GNG4: variants seen among roughly 807,000 people sequenced by gnomAD.
The protein encoded by GNG4 is guanine nucleotide-binding protein G(I)/G(S)/G(O) subunit gamma-4.
Under a neutral mutation model 5.8 loss-of-function variants are expected in GNG4, and 4 were observed. That is an observed-to-expected ratio of 0.69 (90% CI 0.34 to 1.57). The LOEUF (loss-of-function observed/expected upper bound fraction) is 1.57, where lower values mean the gene tolerates loss of function less well. Among genes scored for constraint, GNG4 ranks in the 40% most tolerant of loss-of-function variants. The probability of loss-of-function intolerance (pLI) is 0.06; values close to 1 mark genes in which losing one functional copy is unlikely to be tolerated. For synonymous variants in GNG4, 29 were observed against 32.9 expected, an observed-to-expected ratio of 0.88 and a Z score of 0.41; for missense variants, 96 against 95.1, an observed-to-expected ratio of 1.01 and a Z score of -0.04.
chr1:235,591,036 G>A (rs990747687), intron 2 of GNG4, among the ~76,000 whole-genome samples: 1 of 152,144 alleles, frequency 6.6e-6, no homozygotes, highest in Non-Finnish European at 1.5e-5. Context: ...GCTGGTCCAC[G>A]GACCACACTT....
intron 1 of GNG4, among the ~76,000 whole-genome samples, chr1:235,640,293 G>A (rs1011967818): frequency 1.3e-5 from 2 of 152,158 alleles, no homozygotes; most frequent in South Asian, 4.1e-4. Context: ...TCAGGAATAA[G>A]GACCCACAGA....
chr1:235,552,298 A>C, intron 3 of GNG4, 61 bp from the exon 4 acceptor site: 2 of 1,538,130 alleles, frequency 1.3e-6, no homozygotes, highest in Non-Finnish European at 1.8e-6. Context: ...GAGTCCAGGG[A>C]AGAGGTGTCC....
In GNG4 at chr1:235,552,093, T is replaced by C; in HGVS notation, c.*16A>G. ...TTTGAAGGTCAGAAAAGGAGGCGTT[T>C]TCATCACACACGGAGTTAGAGAATG... On this transcript the variant is annotated 3_prime_UTR_variant, in exon 4 of 4. Transcript: ENST00000391854. 1 of 1,613,126 alleles carries C rather than the reference T, an allele frequency of 6.2e-7. No individual in the cohort carries two copies. The highest frequency in any genetic ancestry group is 8.5e-7 in the Non-Finnish European group (1 of 1,179,312).
At chr1:235,609,876 A>C (rs1252634271) in intron 1 of GNG4, among the ~76,000 whole-genome samples, 144 of 152,276 alleles carry the variant, frequency 9.5e-4, no homozygotes, top group African/African-American at 3.5e-3. Flanking sequence ...CCCTGTCTCA[A>C]AAAAAGAAAA....
rs568645447 is a variant in GNG4, at chr1:235,634,412, G to A, written c.-123+15250C>T. 1.3e-4 allele frequency among the ~76,000 whole-genome samples: 20 copies of A among 152,286 alleles called. No homozygotes were observed. The South Asian group carries it at 3.7e-3, about 28-fold the overall frequency. On this transcript the variant is annotated intron_variant, in intron 1 of 3. Coordinates refer to ENST00000391854, the MANE Select transcript of GNG4 (RefSeq NM_001098722.2). Reference sequence around the variant, plus strand: ...GAGCTTGTTCTGTGTGCTGGAGAGGGCTAAGTGCAGTATTGATAATGTCAA... The same window carrying A: ...GAGCTTGTTCTGTGTGCTGGAGAGGACTAAGTGCAGTATTGATAATGTCAA...
At chr1:235,639,399 G>A (rs1657246662) in intron 1 of GNG4, among the ~76,000 whole-genome samples, 1 of 152,256 alleles carries the variant, frequency 6.6e-6, no homozygotes, top group Admixed American at 6.5e-5. Flanking sequence ...CCCCCAGCCT[G>A]GAAGGCTTTC....
chr1:235,647,828 G>C (rs758056134), intron 1 of GNG4, among the ~76,000 whole-genome samples: 1 of 152,134 alleles, frequency 6.6e-6, no homozygotes, highest in Non-Finnish European at 1.5e-5. Flanking sequence ...TAGATACGGG[G>C]TTTCACCACG....
At chr1:235,634,275 T>C (rs1688986829) in intron 1 of GNG4, among the ~76,000 whole-genome samples, 1 of 152,164 alleles carries the variant, frequency 6.6e-6, no homozygotes, top group African/African-American at 2.4e-5. Flanking sequence ...GGTACAGAAA[T>C]GCAGATTTAT....
chr1:235,587,326 A>AGTGT lies in GNG4; in HGVS notation c.-10-3479_-10-3478insACAC, dbSNP rs1203153927. 1.2e-3 allele frequency among the ~76,000 whole-genome samples: 25 copies of AGTGT among 20,542 alleles called. No homozygotes were observed. In the African/African-American group the frequency reaches 0.017, roughly 14 times the overall value. The allele number at this position is 20,542 out of a possible 152,430, so 13.5% of individuals were successfully genotyped here. On this transcript the variant is annotated intron_variant, in intron 2 of 3. Transcript: ENST00000391854. ...TGAGGGTGAGGGGTGTGTGTGTGTG[A>AGTGT]GAGTGTGAGAGCATGTATGAGGGTC...
At chr1:235,580,746 G>GTTT (rs56370700) in intron 3 of GNG4, among the ~76,000 whole-genome samples, 1 of 125,762 alleles carries the variant, frequency 8.0e-6, no homozygotes, top group East Asian at 2.4e-4. Context: ...CCCGTTTTTT[G>GTTT]TTTTTTTTTT....
At chr1:235,607,460 G>A (rs906121475) in intron 1 of GNG4, among the ~76,000 whole-genome samples, 2 of 152,160 alleles carry the variant, frequency 1.3e-5, no homozygotes, top group East Asian at 1.9e-4. Flanking sequence ...GCTGGCCATC[G>A]CCACTGGGTG....
chr1:235,599,316 G>T (rs1177184403), intron 1 of GNG4, among the ~76,000 whole-genome samples: 4 of 117,474 alleles, frequency 3.4e-5, no homozygotes, highest in African/African-American at 1.1e-4. Flanking sequence ...TTGTTTTTTG[G>T]TTTGTTTTTT....
chr1:235,622,802 G>C (rs1180062965), intron 1 of GNG4, among the ~76,000 whole-genome samples: 2 of 149,660 alleles, frequency 1.3e-5, no homozygotes, highest in Admixed American at 1.3e-4. Context: ...AACCTGCTGG[G>C]AGGTGGAGGT....
At chr1:235,646,522 C>T (rs774629780) in intron 1 of GNG4, among the ~76,000 whole-genome samples, 6 of 152,166 alleles carry the variant, frequency 3.9e-5, no homozygotes, top group Non-Finnish European at 5.9e-5. Flanking sequence ...CCCTTGTTGC[C>T]CACTAACCTG....
At position 235,568,137 on chromosome 1, in the gene GNG4, T is replaced by C. The variant is rs75108922; in HGVS notation, c.99+15603A>G. On this transcript the variant is annotated intron_variant, in intron 3 of 3. Coordinates refer to ENST00000391854, the MANE Select transcript of GNG4 (RefSeq NM_001098722.2). ...TGCCCGTTGCTTCCTTGCAACATAC[T>C]TTCCTTCTAATAAATCTGCTTTTTT... Among the ~76,000 whole-genome samples the C allele has an allele frequency of 4.9e-3, 706 of 145,190 alleles. 9 individuals are homozygous for C. The highest frequency in any genetic ancestry group is 0.017 in the African/African-American group (661 of 38,006).
chr1:235,612,428 G>A (rs960382544), intron 1 of GNG4, among the ~76,000 whole-genome samples: 2 of 152,168 alleles, frequency 1.3e-5, no homozygotes, highest in Non-Finnish European at 2.9e-5. Flanking sequence ...CAGGGTCTGC[G>A]TGGGAAGATG....
At chr1:235,601,428 T>C (rs937743524) in intron 1 of GNG4, among the ~76,000 whole-genome samples, 1 of 152,146 alleles carries the variant, frequency 6.6e-6, no homozygotes, top group Admixed American at 6.5e-5. Flanking sequence ...CGGCTCTCAG[T>C]GTATAACCAA....
At chr1:235,619,868 A>G (rs1419375611) in intron 1 of GNG4, among the ~76,000 whole-genome samples, 1 of 152,252 alleles carries the variant, frequency 6.6e-6, no homozygotes, top group Non-Finnish European at 1.5e-5. Flanking sequence ...CTTATACCTT[A>G]AAAATAATAG....
At chr1:235,554,566 G>A (rs1475532962) in intron 3 of GNG4, among the ~76,000 whole-genome samples, 3 of 152,160 alleles carry the variant, frequency 2.0e-5, no homozygotes, top group Admixed American at 2.0e-4. Context: ...TGGCTCGGCT[G>A]GACGCAGTGG....
Sources: gnomAD v4.1 joint callset for allele counts (sites outside exome capture counted in the v4.1 genomes callset) on GRCh38, gnomAD v4.1.1 for gene constraint, MANE v1.5 for transcripts, NCBI Gene and HGNC (gene_info 2026-07-23, HGNC 2026-07-21) for gene names.